Variants in NSF observed in about 807,000 individuals in gnomAD.
NSF encodes the protein vesicle-fusing ATPase.
NSF carries 14 observed loss-of-function variants against 50.3 expected under a neutral mutation model. The observed-to-expected ratio is 0.28, with a 90% CI of 0.18 to 0.44. The LOEUF is 0.44. NSF is among the 20% of genes least tolerant of loss of function. The pLI is 1.00. For missense variants in NSF, 218 were observed against 504.3 expected (o/e 0.43, Z 5.44); for synonymous variants, 109 against 175.7 (o/e 0.62, Z 3.00).
At chr17:46,746,520 C>T (rs1254781211) in intron 17 of NSF, among the ~76,000 whole-genome samples, 1 of 152,180 alleles carries the variant, frequency 6.6e-6, no homozygotes. Flanking sequence ...TTTTAATGTT[C>T]TGAATTTCCA....
intron 17 of NSF, among the ~76,000 whole-genome samples, chr17:46,739,727 T>C (rs1222019357): frequency 6.9e-6 from 1 of 144,700 alleles, no homozygotes; most frequent in Non-Finnish European, 1.5e-5. Context: ...AGTTCTTTTT[T>C]TCTGATTTTT....
chr17:46,736,944 G>A (rs1177535136), intron 17 of NSF, among the ~76,000 whole-genome samples: 1 of 152,218 alleles, frequency 6.6e-6, no homozygotes, highest in Non-Finnish European at 1.5e-5. Flanking sequence ...TTGAATGCCA[G>A]TGTGACTAAA....
intron 18 of NSF, among the ~76,000 whole-genome samples, chr17:46,751,101 A>T (rs752706987): frequency 4.6e-5 from 7 of 152,182 alleles, no homozygotes; most frequent in Admixed American, 3.9e-4. Flanking sequence ...TATCTATATG[A>T]TAAATGTTTT....
chr17:46,733,824 C>G (rs1304272856), intron 17 of NSF, among the ~76,000 whole-genome samples: 1 of 152,206 alleles, frequency 6.6e-6, no homozygotes, highest in Non-Finnish European at 1.5e-5. Context: ...AAGTAGAACT[C>G]AGACCTAACA....
At position 46,719,897 on chromosome 17, in the gene NSF, G is replaced by A. The variant is rs765507247; in HGVS notation, c.1761+5911G>A. Among the ~76,000 whole-genome samples the A allele has an allele frequency of 1.3e-5, 2 of 152,148 alleles. No individual in the cohort carries two copies. The highest frequency in any genetic ancestry group is 1.5e-5 in the Non-Finnish European group (1 of 68,032). On this transcript the variant is annotated intron_variant, in intron 15 of 20. Transcript: ENST00000398238. This position sits in a 1 kb window ranked among gnomAD's most constrained non-coding sequence, Gnocchi z 4.3. The stretch of plus-strand genomic sequence containing the variant: ...AAAACTACCAGTGATTTATAAAACT[G>A]TACCCATTAATAACATGATATAGTC...
chr17:46,706,848 TTTTA>T (rs1018171204), intron 13 of NSF, among the ~76,000 whole-genome samples: 2 of 139,526 alleles, frequency 1.4e-5, no homozygotes, highest in African/African-American at 5.4e-5. Context: ...CAGATTTATT[TTTTA>T]TTTATTTATT....
intron 17 of NSF, among the ~76,000 whole-genome samples, chr17:46,742,190 C>T (rs1052579348): frequency 1.3e-5 from 2 of 152,214 alleles, no homozygotes; most frequent in East Asian, 3.8e-4. Context: ...TGGCACGAAG[C>T]ATACATGCCG....
At chr17:46,738,170 G>A (rs979386317) in intron 17 of NSF, among the ~76,000 whole-genome samples, 1 of 152,076 alleles carries the variant, frequency 6.6e-6, no homozygotes, top group Non-Finnish European at 1.5e-5. Flanking sequence ...CTGGGCTCAA[G>A]CAGTCCACCC....
chr17:46,740,926 ATTTAT>A (rs2059064956), intron 17 of NSF, among the ~76,000 whole-genome samples: 1 of 152,014 alleles, frequency 6.6e-6, no homozygotes, highest in African/African-American at 2.4e-5. Flanking sequence ...TATCTTCTTA[ATTTAT>A]TTAACCTTTT....
chr17:46,726,522 A>T, intron 15 of NSF, 27 bp from the exon 16 acceptor site: 1 of 1,607,936 alleles, frequency 6.2e-7, no homozygotes, highest in Non-Finnish European at 8.5e-7. Flanking sequence ...GGACAGTGAG[A>T]TAATAAATGA....
At chr17:46,675,782 CT>C (rs2058399522) in intron 9 of NSF, among the ~76,000 whole-genome samples, 1 of 111,768 alleles carries the variant, frequency 8.9e-6, no homozygotes, top group African/African-American at 3.9e-5. Flanking sequence ...ATACAGTAGA[CT>C]AGGTAACCAG....
In NSF at chr17:46,719,637, G is replaced by A. The variant is rs897747746; in HGVS notation, c.1761+5651G>A. On this transcript the variant is annotated intron_variant, in intron 15 of 20. Coordinates refer to ENST00000398238, the MANE Select transcript of NSF (RefSeq NM_006178.4). This position sits in a 1 kb window ranked among gnomAD's most constrained non-coding sequence, Gnocchi z 4.3. ...ACCTTCCCCTTCTCCCCTATTTTACGTTTGCTTCCCAAACTTCATTCTATT... is the reference window on the plus strand; with the variant it reads ...ACCTTCCCCTTCTCCCCTATTTTACATTTGCTTCCCAAACTTCATTCTATT... 6.6e-6 allele frequency among the ~76,000 whole-genome samples: 1 copy of A among 151,918 alleles called. No homozygotes were observed. Among genetic ancestry groups the A allele is most frequent in the African/African-American group, 2.4e-5 (1 of 41,336 alleles).
intron 19 of NSF, among the ~76,000 whole-genome samples, chr17:46,752,111 A>G (rs779904911): frequency 1.3e-5 from 2 of 152,180 alleles, no homozygotes; most frequent in South Asian, 2.1e-4. Context: ...TGGGATCTGT[A>G]TATTTGTCCC....
intron 16 of NSF, among the ~76,000 whole-genome samples, chr17:46,728,438 C>G (rs2058913331): frequency 6.6e-6 from 1 of 151,790 alleles, no homozygotes. Flanking sequence ...TACATGAACT[C>G]AAAGTGAATA....
rs556856107 is a variant in NSF at position 46,744,789 on chromosome 17, G to GT, written c.1909-4976dup. On this transcript the variant is annotated intron_variant, in intron 17 of 20. Transcript: ENST00000398238. ...CTCATTCTTCATCATGTAAAGAAGTGTTTTTTTTGAAGGATCAACACCTGA... is the reference window on the plus strand; with the variant it reads ...CTCATTCTTCATCATGTAAAGAAGTGTTTTTTTTTGAAGGATCAACACCTGA... Among the ~76,000 whole-genome samples, 328 of 151,918 alleles carry GT rather than the reference G, an allele frequency of 2.2e-3. 1 individual carries two copies. The highest frequency in any genetic ancestry group is 3.4e-3 in the Middle Eastern group (1 of 294).
chr17:46,730,323 G>A (rs978943470), intron 17 of NSF, among the ~76,000 whole-genome samples: 1 of 152,036 alleles, frequency 6.6e-6, no homozygotes, highest in African/African-American at 2.4e-5. Context: ...TTTTTTAGCT[G>A]AAAATAATTT....
At chr17:46,723,072 G>A (rs1359477498) in intron 15 of NSF, among the ~76,000 whole-genome samples, 1 of 152,248 alleles carries the variant, frequency 6.6e-6, no homozygotes, top group Non-Finnish European at 1.5e-5. Flanking sequence ...GAATTACAGT[G>A]TCTGAGATAA....
intron 15 of NSF, chr17:46,721,679 T>G (rs1303092794): frequency 6.2e-7 from 1 of 1,604,894 alleles, no homozygotes. Flanking sequence ...CACATTGTTC[T>G]GCTGTGCTTT....
intron 15 of NSF, among the ~76,000 whole-genome samples, chr17:46,718,905 G>GCA (rs2058800979): frequency 6.6e-6 from 1 of 152,060 alleles, no homozygotes. Flanking sequence ...TCAGAAGTGG[G>GCA]ATTGCTAAGG....
Sources: gnomAD v4.1 joint callset for allele counts (sites outside exome capture counted in the v4.1 genomes callset) on GRCh38, gnomAD v4.1.1 for gene constraint, Gnocchi (gnomAD v3.1) non-coding constraint, MANE v1.5 for transcripts, NCBI Gene and HGNC (gene_info 2026-07-23, HGNC 2026-07-21) for gene names.